The following OSBPL9 variants were observed in gnomAD, a reference collection of about 807,000 sequenced individuals.
The protein encoded by OSBPL9 is oxysterol binding protein like 9, also known as oxysterol-binding protein-related protein 9.
In OSBPL9, 40 loss-of-function variants were observed where a neutral mutation model predicts 106.6. That is an observed-to-expected ratio of 0.38 (90% CI 0.29 to 0.49). The LOEUF is 0.49. Among genes scored for constraint, OSBPL9 ranks in the 20% least tolerant of loss-of-function variants. OSBPL9 has a pLI of 0.97. For missense variants in OSBPL9, 609 were observed against 887.2 expected (o/e 0.69, Z 3.98); for synonymous variants, 269 against 295.4 (o/e 0.91, Z 0.92).
At chr1:51,780,960 T>TA (rs1040624528) in intron 15 of OSBPL9, among the ~76,000 whole-genome samples, 223 of 147,480 alleles carry the variant, frequency 1.5e-3, no homozygotes, top group African/African-American at 4.5e-3. Flanking sequence ...CTGTTGAAAT[T>TA]AAAAAAAAAA....
intron 2 of OSBPL9, among the ~76,000 whole-genome samples, chr1:51,603,866 A>G (rs1380490158): frequency 6.6e-6 from 1 of 152,198 alleles, no homozygotes; most frequent in Non-Finnish European, 1.5e-5. Context: ...AAGATAGTCA[A>G]TAATGTATAC....
chr1:51,627,313 T>A (rs1332728169), intron 1 of OSBPL9, among the ~76,000 whole-genome samples: 6 of 152,166 alleles, frequency 3.9e-5, no homozygotes, highest in African/African-American at 9.7e-5. Flanking sequence ...TTTTTTTTTT[T>A]AATATGGAAT....
chr1:51,785,619 C>T lies in OSBPL9; in HGVS notation c.1830-189C>T, dbSNP rs1677420479. 1.1e-5 allele frequency: 6 copies of T among 559,100 alleles called. No individual in the cohort carries two copies. In the South Asian group the frequency reaches 1.3e-4, roughly 12 times the overall value. 34.6% of individuals were successfully genotyped at this position (559,100 alleles called of 1,614,324 possible). On this transcript the variant is annotated intron_variant, in intron 20 of 23. Transcript: ENST00000428468. ...CCCACCATTCTTGGGATCTCAAGTT[C>T]ATAAGCGTCCTGTTGAAGGCCCTCA... is the stretch of plus-strand genomic sequence containing the variant.
intron 4 of OSBPL9, among the ~76,000 whole-genome samples, chr1:51,719,256 G>A (rs1350635900): frequency 6.6e-6 from 1 of 152,140 alleles, no homozygotes; most frequent in African/African-American, 2.4e-5. Flanking sequence ...AATTCCAGTA[G>A]TCATTCTAAA....
At chr1:51,646,641 G>A (rs758027132) in intron 1 of OSBPL9, among the ~76,000 whole-genome samples, 6 of 151,994 alleles carry the variant, frequency 3.9e-5, no homozygotes, top group Non-Finnish European at 5.9e-5. Context: ...GGGTTCAAGC[G>A]ATTCTCTAGC....
chr1:51,689,976 A>T (rs193026390), intron 3 of OSBPL9, among the ~76,000 whole-genome samples: 1 of 152,136 alleles, frequency 6.6e-6, no homozygotes, highest in African/African-American at 2.4e-5. Context: ...TTTTCTGCCA[A>T]AGCAACCTCC....
intron 1 of OSBPL9, among the ~76,000 whole-genome samples, chr1:51,636,900 A>C (rs1268595065): frequency 6.6e-6 from 1 of 152,182 alleles, no homozygotes; most frequent in Admixed American, 6.5e-5. Flanking sequence ...GTGACCTAGG[A>C]ATTTACATGC....
In OSBPL9 at chr1:51,747,498, T is replaced by C. The variant is rs11800895; in HGVS notation, c.462+741T>C. Among the ~76,000 whole-genome samples, 1,239 of 151,616 alleles carry C rather than the reference T, an allele frequency of 8.2e-3. 20 individuals carry two copies. Among genetic ancestry groups the C allele is most frequent in the African/African-American group, 0.028 (1,167 of 41,374 alleles). On this transcript the variant is annotated intron_variant, in intron 6 of 23. Transcript: ENST00000428468. ...GTCCCCCACTTGCATTTCTGACAGC[T>C]ACTTTGTAGTTTGCATATTGTCTTT...
rs115266065 is a variant in OSBPL9, at chr1:51,630,681, C to T, written c.111+13460C>T. On this transcript the variant is annotated intron_variant, in intron 1 of 23. Transcript: ENST00000428468. Reference sequence around the variant, plus strand: ...TTATAAACACTGTACATTTAGGTAACGCTAAACTTACAAAAAAAATTTCTT... The same window carrying T: ...TTATAAACACTGTACATTTAGGTAATGCTAAACTTACAAAAAAAATTTCTT... Among the ~76,000 whole-genome samples, 1,352 of 152,168 alleles carry T rather than the reference C, an allele frequency of 8.9e-3. 18 individuals carry two copies. Among genetic ancestry groups the T allele is most frequent in the African/African-American group, 0.031 (1,300 of 41,520 alleles).
intron 3 of OSBPL9, among the ~76,000 whole-genome samples, chr1:51,697,323 T>A (rs951861796): frequency 7.2e-5 from 11 of 152,080 alleles, no homozygotes; most frequent in African/African-American, 2.7e-4. Flanking sequence ...TAGTACCCCG[T>A]GCATATTGGG....
chr1:51,607,056 AAAG>A (rs1254013527), intron 2 of OSBPL9, among the ~76,000 whole-genome samples: 7 of 152,084 alleles, frequency 4.6e-5, no homozygotes, highest in Non-Finnish European at 8.8e-5. Flanking sequence ...TCTCAAAAAA[AAAG>A]AAAAAAAGAA....
chr1:51,755,345 C>T (rs946297893), intron 8 of OSBPL9, among the ~76,000 whole-genome samples: 3 of 152,066 alleles, frequency 2.0e-5, no homozygotes, highest in South Asian at 2.1e-4. Context: ...CTTCTATCAC[C>T]GCAAAAAGAA....
chr1:51,530,184 A>AAAAAAAAG, the OSBPL9 span, among the ~76,000 whole-genome samples: 5 of 103,410 alleles, frequency 4.8e-5, 1 homozygote, highest in Non-Finnish European at 9.8e-5. Context: ...AAAAAAAAAA[A>AAAAAAAAG]AAAAAAAACA....
chr1:51,533,355 G>A, the OSBPL9 span, among the ~76,000 whole-genome samples: 1 of 151,780 alleles, frequency 6.6e-6, no homozygotes, highest in East Asian at 1.9e-4. Context: ...TCGTGGTGGT[G>A]CATGCCTGTA....
intron 2 of OSBPL9, among the ~76,000 whole-genome samples, chr1:51,604,845 G>A (rs1472196740): frequency 6.6e-6 from 1 of 151,962 alleles, no homozygotes; most frequent in East Asian, 2.0e-4. Context: ...TAGACACGGG[G>A]TTTCACATGT....
intron 3 of OSBPL9, among the ~76,000 whole-genome samples, chr1:51,695,128 A>G (rs1172688511): frequency 6.6e-6 from 1 of 152,148 alleles, no homozygotes; most frequent in Non-Finnish European, 1.5e-5. Flanking sequence ...TGTCACAGAG[A>G]CTATGTATTA....
chr1:51,541,121 ACT>A, the OSBPL9 span, among the ~76,000 whole-genome samples: 39 of 152,046 alleles, frequency 2.6e-4, no homozygotes, highest in African/African-American at 8.7e-4. Context: ...ACAGAGTGAG[ACT>A]CTGTCTCAAA....
the OSBPL9 span, chr1:51,519,251 G>A: frequency 1.3e-4 from 177 of 1,362,274 alleles, 1 homozygote; most frequent in African/African-American, 2.5e-3. Context: ...ATCATGCAAG[G>A]GAGGGGAAGG....
intron 3 of OSBPL9, among the ~76,000 whole-genome samples, chr1:51,686,575 T>C (rs1653857083): frequency 6.6e-6 from 1 of 152,200 alleles, no homozygotes; most frequent in Non-Finnish European, 1.5e-5. Flanking sequence ...GCTTAGTGTA[T>C]ATCCATGTTG....
Sources: allele counts gnomAD v4.1 joint callset (sites outside exome capture counted in the v4.1 genomes callset), GRCh38; gene constraint gnomAD v4.1.1; transcripts MANE v1.5; gene names NCBI Gene and HGNC (gene_info 2026-07-23, HGNC 2026-07-21).